The following GMDS variants were observed in gnomAD, a reference collection of about 807,000 sequenced individuals.
GMDS encodes the protein GDP-mannose 4,6 dehydratase.
Under a neutral mutation model 49.9 loss-of-function variants are expected in GMDS, and 20 were observed. The ratio of observed to expected loss-of-function variants is 0.40; its 90% CI spans 0.28 to 0.58. The LOEUF is 0.58. Among genes scored for constraint, GMDS ranks in the 20% least tolerant of loss-of-function variants. GMDS has a pLI of 0.42. For missense variants in GMDS, 362 were observed against 481.4 expected (o/e 0.75, Z 2.32); for synonymous variants, 177 against 178.6 (o/e 0.99, Z 0.07).
At chr6:2,015,830 A>C (rs538537338) in intron 4 of GMDS, among the ~76,000 whole-genome samples, 1 of 152,258 alleles carries the variant, frequency 6.6e-6, no homozygotes, top group Non-Finnish European at 1.5e-5. Flanking sequence ...CAGTTCAGCA[A>C]AACTAGCAAA....
At chr6:1,625,290 C>T (rs1762817488) in intron 9 of GMDS, 1 of 152,234 alleles carries the variant, frequency 6.6e-6, no homozygotes, top group African/African-American at 2.4e-5. Flanking sequence ...TTAGGCTTAG[C>T]GTCCAGGAAC....
chr6:1,703,207 G>C (rs577542969), intron 9 of GMDS, among the ~76,000 whole-genome samples: 1 of 152,278 alleles, frequency 6.6e-6, no homozygotes, highest in South Asian at 2.1e-4. Context: ...AAAGTGAGCT[G>C]GGGTAAATGG....
chr6:2,237,017 C>T (rs1429134257), intron 1 of GMDS, among the ~76,000 whole-genome samples: 1 of 151,824 alleles, frequency 6.6e-6, no homozygotes, highest in Non-Finnish European at 1.5e-5. Context: ...GAAAGGATTC[C>T]CCTAGAATCA....
At chr6:1,908,371 T>A (rs1267491481) in intron 7 of GMDS, among the ~76,000 whole-genome samples, 2 of 152,194 alleles carry the variant, frequency 1.3e-5, no homozygotes, top group African/African-American at 4.8e-5. Flanking sequence ...ACCGTACCAT[T>A]CTTTGTAGGT....
intron 2 of GMDS, among the ~76,000 whole-genome samples, chr6:2,121,603 C>T (rs1463975788): frequency 3.3e-5 from 5 of 152,154 alleles, no homozygotes; most frequent in African/African-American, 7.2e-5. Flanking sequence ...TCTAAATGTG[C>T]GTGAGGTGAC....
At chr6:1,815,337 A>C (rs1770611467) in intron 7 of GMDS, among the ~76,000 whole-genome samples, 1 of 152,240 alleles carries the variant, frequency 6.6e-6, no homozygotes, top group South Asian at 2.1e-4. Context: ...ATATTTTCAC[A>C]AAGTATTATA....
intron 4 of GMDS, among the ~76,000 whole-genome samples, chr6:2,085,414 T>C (rs1469081215): frequency 2.0e-5 from 3 of 152,240 alleles, no homozygotes; most frequent in Non-Finnish European, 2.9e-5. Context: ...ATATTTCATC[T>C]TGAATTAACA....
At position 1,914,133 on chromosome 6, in the gene GMDS, T is replaced by TTG. The variant is rs1415435650; in HGVS notation, c.771+15969_771+15970insCA. ...TATCATGAAAGCGTTTTTTGTTTGT[T>TTG]TTTTTTTTTTTTTTTTTTTTTTTTA... is the stretch of plus-strand genomic sequence containing the variant. On this transcript the variant is annotated intron_variant, in intron 7 of 10. Transcript: ENST00000380815. 1.9e-4 allele frequency among the ~76,000 whole-genome samples: 23 copies of TTG among 118,958 alleles called. No individual in the cohort carries two copies. The East Asian group carries it at 4.0e-3, about 20-fold the overall frequency. 78.0% of individuals were successfully genotyped at this position (118,958 alleles called of 152,430 possible).
chr6:1,629,880 C>T (rs561784365), intron 9 of GMDS, among the ~76,000 whole-genome samples: 1 of 152,200 alleles, frequency 6.6e-6, no homozygotes, highest in African/African-American at 2.4e-5. Flanking sequence ...GTATGCATGC[C>T]CCAGAAACCA....
At chr6:2,071,364 T>C (rs1771986125) in intron 4 of GMDS, among the ~76,000 whole-genome samples, 2 of 152,154 alleles carry the variant, frequency 1.3e-5, no homozygotes, top group South Asian at 4.1e-4. Context: ...GTTCCTTTTA[T>C]CCCATTAGCA....
At chr6:2,237,788 T>C (rs1230488637) in intron 1 of GMDS, among the ~76,000 whole-genome samples, 5 of 151,952 alleles carry the variant, frequency 3.3e-5, no homozygotes, top group East Asian at 3.9e-4. Context: ...TCCCAAAGTG[T>C]TGGGATTACA....
At chr6:1,899,291 T>G (rs912455715) in intron 7 of GMDS, among the ~76,000 whole-genome samples, 1 of 151,002 alleles carries the variant, frequency 6.6e-6, no homozygotes, top group African/African-American at 2.5e-5. Flanking sequence ...TGTTTTGATT[T>G]GTGTTTTTTT....
chr6:1,923,089 C>A (rs1038693284), intron 7 of GMDS, among the ~76,000 whole-genome samples: 7 of 152,218 alleles, frequency 4.6e-5, no homozygotes, highest in African/African-American at 1.7e-4. Flanking sequence ...CGCCTTCCAC[C>A]ATGACTGTGA....
chr6:1,916,184 CA>C (rs1761382492), intron 7 of GMDS, among the ~76,000 whole-genome samples: 3 of 152,194 alleles, frequency 2.0e-5, no homozygotes, highest in Admixed American at 1.3e-4. Flanking sequence ...TCTAGACTGA[CA>C]ACATGGCTGT....
chr6:1,999,980 ATTT>A (rs1295708160), intron 4 of GMDS, among the ~76,000 whole-genome samples: 407 of 18,690 alleles, frequency 0.022, 58 homozygotes, highest in African/African-American at 0.058. Flanking sequence ...TTATATATAT[ATTT>A]TATATATATA....
At chr6:1,984,804 A>C (rs1027859421) in intron 4 of GMDS, among the ~76,000 whole-genome samples, 1 of 152,176 alleles carries the variant, frequency 6.6e-6, no homozygotes, top group African/African-American at 2.4e-5. Context: ...CACAATTCCC[A>C]CTGCTGCCAC....
chr6:2,027,151 T>C (rs1421590859), intron 4 of GMDS, among the ~76,000 whole-genome samples: 2 of 152,148 alleles, frequency 1.3e-5, no homozygotes, highest in Non-Finnish European at 2.9e-5. Flanking sequence ...CTGGAAGTTG[T>C]AGCATTCTGA....
At chr6:2,102,068 A>G (rs775827442) in intron 4 of GMDS, among the ~76,000 whole-genome samples, 26 of 152,150 alleles carry the variant, frequency 1.7e-4, no homozygotes, top group Non-Finnish European at 3.4e-4. Flanking sequence ...TTATTATACT[A>G]CACTGGAAAT....
At chr6:2,020,359 C>A (rs1228555798) in intron 4 of GMDS, among the ~76,000 whole-genome samples, 3 of 151,684 alleles carry the variant, frequency 2.0e-5, no homozygotes, top group Non-Finnish European at 2.9e-5. Context: ...ATGTACATAT[C>A]AGTTATGAGA....
Sources: gnomAD v4.1 joint callset for allele counts (sites outside exome capture counted in the v4.1 genomes callset) on GRCh38, gnomAD v4.1.1 for gene constraint, MANE v1.5 for transcripts, NCBI Gene and HGNC (gene_info 2026-07-23, HGNC 2026-07-21) for gene names.